Variants in RFX3 observed in about 807,000 individuals in gnomAD.
RFX3 encodes the protein transcription factor RFX3.
Under a neutral mutation model 98.6 loss-of-function variants are expected in RFX3, and 14 were observed. The observed-to-expected ratio is 0.14, with a 90% CI of 0.09 to 0.22. The LOEUF (loss-of-function observed/expected upper bound fraction) is 0.22, where lower values mean the gene tolerates loss of function less well. Ranked by LOEUF, RFX3 falls within the 10% of genes least tolerant of loss-of-function variation. RFX3 has a pLI of 1.00. For missense variants in RFX3, 639 were observed against 926.9 expected (o/e 0.69, Z 4.03); for synonymous variants, 383 against 328.4 (o/e 1.17, Z -1.80).
At chr9:3,486,015 C>A (rs1850237752) in intron 1 of RFX3, among the ~76,000 whole-genome samples, 1 of 150,978 alleles carries the variant, frequency 6.6e-6, no homozygotes, top group African/African-American at 2.4e-5. Context: ...ATCCCAGCTA[C>A]TCAGGAGGCT....
chr9:3,418,455 C>G (rs1241076537), intron 1 of RFX3, among the ~76,000 whole-genome samples: 1 of 152,086 alleles, frequency 6.6e-6, no homozygotes, highest in East Asian at 1.9e-4. Context: ...TCTCAGATCA[C>G]TGCAACCTCC....
chr9:3,262,869 C>A, intron 13 of RFX3, 66 bp downstream of exon 13: 1 of 1,495,174 alleles, frequency 6.7e-7, no homozygotes, highest in Non-Finnish European at 9.2e-7. Flanking sequence ...ATTTGATGAT[C>A]CCAATTAAGA....
At chr9:3,448,509 T>C (rs1846255491) in intron 1 of RFX3, among the ~76,000 whole-genome samples, 1 of 152,146 alleles carries the variant, frequency 6.6e-6, no homozygotes, top group Non-Finnish European at 1.5e-5. Context: ...CACATATTTC[T>C]TTTTCTTCTT....
intron 13 of RFX3, among the ~76,000 whole-genome samples, chr9:3,257,976 TA>T (rs1330753794): frequency 6.6e-6 from 1 of 152,166 alleles, no homozygotes; most frequent in Non-Finnish European, 1.5e-5. Context: ...GTGATTGCCA[TA>T]AGTACTGTGA....
At chr9:3,355,739 C>G (rs1336116921) in intron 2 of RFX3, among the ~76,000 whole-genome samples, 1 of 151,868 alleles carries the variant, frequency 6.6e-6, no homozygotes, top group Non-Finnish European at 1.5e-5. Flanking sequence ...CAGGCATGCT[C>G]TGATGCACAT....
intron 6 of RFX3, among the ~76,000 whole-genome samples, chr9:3,288,759 T>C (rs905661291): frequency 1.3e-5 from 2 of 152,178 alleles, no homozygotes; most frequent in East Asian, 3.8e-4. Context: ...TGAAGTAAGA[T>C]AACTTAATTG....
At chr9:3,247,344 G>A in intron 15 of RFX3, 2 of 986,598 alleles carry the variant, frequency 2.0e-6, no homozygotes, top group Non-Finnish European at 1.2e-6. Flanking sequence ...TACATCATTA[G>A]TGGTTAGAAG....
intron 1 of RFX3, among the ~76,000 whole-genome samples, chr9:3,454,830 G>A (rs755627590): frequency 6.6e-6 from 1 of 152,142 alleles, no homozygotes; most frequent in Non-Finnish European, 1.5e-5. Flanking sequence ...CAAAACCTAT[G>A]AGAAAAACGT....
At chr9:3,411,453 C>T (rs937061755) in intron 1 of RFX3, among the ~76,000 whole-genome samples, 2 of 152,122 alleles carry the variant, frequency 1.3e-5, no homozygotes, top group South Asian at 4.2e-4. Context: ...ACCTCCACCT[C>T]CCAGGTTCAA....
rs1315755534 is a variant in RFX3 at position 3,256,336 on chromosome 9, TTTC to T, written c.1814+652_1814+654del. On this transcript the variant is annotated intron_variant, in intron 14 of 16. Transcript: ENST00000617270. ...GGTCTTGGGAGGCACCTAGGATTTG[TTTC>T]TTTTTTTTTTTTTTTACATTAATTC... Among the ~76,000 whole-genome samples, 7 of 23,746 alleles carry T rather than the reference TTTC, an allele frequency of 2.9e-4. No individual in the cohort carries two copies. The Admixed American group carries it at 3.6e-3, about 12-fold the overall frequency. 15.6% of individuals were successfully genotyped at this position (23,746 alleles called of 152,430 possible).
At chr9:3,241,948 T>C (rs1355278027) in intron 15 of RFX3, among the ~76,000 whole-genome samples, 2 of 152,216 alleles carry the variant, frequency 1.3e-5, no homozygotes, top group Non-Finnish European at 2.9e-5. Context: ...ATAAAAACTT[T>C]TAAGCTAGGC....
intron 7 of RFX3, among the ~76,000 whole-genome samples, chr9:3,283,254 A>T (rs1305274777): frequency 6.6e-6 from 1 of 151,810 alleles, no homozygotes; most frequent in African/African-American, 2.4e-5. Context: ...CATAAGAAAG[A>T]TATTTTTCTG....
chr9:3,317,225 A>G (rs1269255498), intron 4 of RFX3, among the ~76,000 whole-genome samples: 2 of 152,192 alleles, frequency 1.3e-5, no homozygotes, highest in Non-Finnish European at 2.9e-5. Flanking sequence ...CACATCTATA[A>G]CCATCTGATC....
chr9:3,251,332 T>A (rs1031909975), intron 14 of RFX3, among the ~76,000 whole-genome samples: 4 of 152,106 alleles, frequency 2.6e-5, no homozygotes, highest in African/African-American at 9.7e-5. Flanking sequence ...TCCTAGATTA[T>A]CTTTTTAAAA....
At chr9:3,245,865 C>T (rs369180748) in intron 15 of RFX3, among the ~76,000 whole-genome samples, 6 of 152,048 alleles carry the variant, frequency 3.9e-5, no homozygotes, top group South Asian at 4.1e-4. Context: ...TACACAGGCA[C>T]GTCTGGATTT....
intron 1 of RFX3, among the ~76,000 whole-genome samples, chr9:3,486,146 A>AG (rs1407631206): frequency 9.2e-4 from 138 of 150,722 alleles, no homozygotes; most frequent in African/African-American, 3.1e-3. Context: ...AAAAAAAAAA[A>AG]AAAAAAAGAA....
intron 15 of RFX3, among the ~76,000 whole-genome samples, chr9:3,238,347 CA>C (rs1456259455): frequency 6.6e-6 from 1 of 152,104 alleles, no homozygotes; most frequent in African/African-American, 2.4e-5. Context: ...ATGCACTGAT[CA>C]AGCCATTTAT....
At chr9:3,421,092 C>T (rs561850290) in intron 1 of RFX3, among the ~76,000 whole-genome samples, 15 of 151,362 alleles carry the variant, frequency 9.9e-5, no homozygotes, top group Non-Finnish European at 1.5e-4. Context: ...AGTGACTTGT[C>T]CCCTGCAGGA....
intron 2 of RFX3, among the ~76,000 whole-genome samples, chr9:3,391,321 A>G (rs1162086238): frequency 6.6e-6 from 1 of 152,148 alleles, no homozygotes; most frequent in Non-Finnish European, 1.5e-5. Flanking sequence ...ACACTATTCT[A>G]CTTAAGAAAA....
Sources: gnomAD v4.1 joint callset for allele counts (sites outside exome capture counted in the v4.1 genomes callset) on GRCh38, gnomAD v4.1.1 for gene constraint, MANE v1.5 for transcripts, NCBI Gene and HGNC (gene_info 2026-07-23, HGNC 2026-07-21) for gene names.